GNAQ: variants seen among roughly 807,000 people sequenced by gnomAD.
GNAQ encodes the protein G protein subunit alpha q, also known as guanine nucleotide-binding protein G(q) subunit alpha.
In GNAQ, 8 loss-of-function variants were observed where a neutral mutation model predicts 43.9. The observed-to-expected ratio is 0.18, with a 90% CI of 0.11 to 0.33. The LOEUF (loss-of-function observed/expected upper bound fraction) is 0.33, where lower values mean the gene tolerates loss of function less well. Ranked by LOEUF, GNAQ falls within the 10% of genes least tolerant of loss-of-function variation. GNAQ has a pLI of 1.00. For missense variants in GNAQ, 158 were observed against 450.8 expected (o/e 0.35, Z 5.88); for synonymous variants, 155 against 170.7 (o/e 0.91, Z 0.71).
Position 77,908,999 on chromosome 9 carries a change from T to C in GNAQ, c.321+13162A>G, listed in dbSNP as rs78119762. ...ACCCAAAGCTGTCATCACTGGAATA[T>C]GTGGCACTTCTGTGCATATGAGAAT... On this transcript the variant is annotated intron_variant, in intron 2 of 6. Coordinates refer to ENST00000286548, the MANE Select transcript of GNAQ (RefSeq NM_002072.5). 4.6e-3 allele frequency among the ~76,000 whole-genome samples: 700 copies of C among 152,344 alleles called. 6 individuals carry two copies. Among genetic ancestry groups the C allele is most frequent in the African/African-American group, 0.016 (679 of 41,588 alleles).
At chr9:78,013,526 A>T (rs550185016) in intron 1 of GNAQ, among the ~76,000 whole-genome samples, 2 of 147,860 alleles carry the variant, frequency 1.4e-5, no homozygotes, top group South Asian at 4.2e-4. Context: ...ATGTGTTCTC[A>T]TTTCTAACAA....
chr9:77,732,677 A>G (rs1825514743), intron 5 of GNAQ, among the ~76,000 whole-genome samples: 1 of 152,092 alleles, frequency 6.6e-6, no homozygotes, highest in Non-Finnish European at 1.5e-5. Context: ...GATACTAGTA[A>G]AGGTTTTACT....
chr9:77,863,489 C>T (rs1022859053), intron 2 of GNAQ, among the ~76,000 whole-genome samples: 10 of 152,130 alleles, frequency 6.6e-5, no homozygotes, highest in Admixed American at 1.3e-4. Context: ...CCAGGGAGTT[C>T]CAAACTTTCC....
rs149493389 is a variant in GNAQ at position 77,991,320 on chromosome 9, T to G, written c.136+39780A>C. ...TGACCTTTCAGTGATGTTCTTCACC[T>G]TAGCATACAGAATGTATTTAAGAGA... On this transcript the variant is annotated intron_variant, in intron 1 of 6. Transcript: ENST00000286548. 3.1e-3 allele frequency among the ~76,000 whole-genome samples: 472 copies of G among 152,300 alleles called. 3 individuals are homozygous for G. Among genetic ancestry groups the G allele is most frequent in the Non-Finnish European group, 5.1e-3 (346 of 68,020 alleles).
At position 77,965,235 on chromosome 9, in the gene GNAQ, GCACCCA is replaced by G. The variant is rs546738994; in HGVS notation, c.137-42896_137-42891del. 2.6e-5 allele frequency among the ~76,000 whole-genome samples: 4 copies of G among 151,796 alleles called. No homozygotes were observed. In the South Asian group the frequency reaches 8.3e-4, roughly 32 times the overall value. On this transcript the variant is annotated intron_variant, in intron 1 of 6. Coordinates refer to ENST00000286548, the MANE Select transcript of GNAQ (RefSeq NM_002072.5). ...CAATCAACACCCATAATTATATAAAGCACCCACACCCACAGAATCCTCACGAATCAA... is the reference window on the plus strand; with the variant it reads ...CAATCAACACCCATAATTATATAAAGCACCCACAGAATCCTCACGAATCAA...
At chr9:78,024,757 A>C (rs2118614436) in intron 1 of GNAQ, among the ~76,000 whole-genome samples, 1 of 152,244 alleles carries the variant, frequency 6.6e-6, no homozygotes, top group South Asian at 2.1e-4. Flanking sequence ...ACAGCACATT[A>C]TTTGGCACAT....
At chr9:78,021,329 C>G (rs1023104185) in intron 1 of GNAQ, among the ~76,000 whole-genome samples, 3 of 152,104 alleles carry the variant, frequency 2.0e-5, no homozygotes, top group Non-Finnish European at 4.4e-5. Context: ...CCTGGCAAAG[C>G]TGATTTCTTA....
At chr9:77,992,539 AT>A (rs1212509802) in intron 1 of GNAQ, among the ~76,000 whole-genome samples, 1 of 152,210 alleles carries the variant, frequency 6.6e-6, no homozygotes, top group Non-Finnish European at 1.5e-5. Flanking sequence ...TAAAAAAAAA[AT>A]TCCTCAAAAA....
chr9:77,850,921 C>T (rs1255288287), intron 2 of GNAQ, among the ~76,000 whole-genome samples: 1 of 152,136 alleles, frequency 6.6e-6, no homozygotes, highest in Non-Finnish European at 1.5e-5. Flanking sequence ...CTGTCTCACA[C>T]AGGGTCTTAG....
At chr9:77,881,314 C>A (rs1311713572) in intron 2 of GNAQ, among the ~76,000 whole-genome samples, 1 of 152,238 alleles carries the variant, frequency 6.6e-6, no homozygotes, top group African/African-American at 2.4e-5. Flanking sequence ...GCACCCCGAA[C>A]ACTGCCTGGC....
At chr9:77,804,375 A>G (rs958822985) in intron 3 of GNAQ, among the ~76,000 whole-genome samples, 41 of 152,184 alleles carry the variant, frequency 2.7e-4, no homozygotes, top group African/African-American at 9.2e-4. Context: ...GGGTTAATAA[A>G]TTTTATAAGC....
At chr9:77,902,925 A>G (rs1228928382) in intron 2 of GNAQ, among the ~76,000 whole-genome samples, 4 of 152,148 alleles carry the variant, frequency 2.6e-5, no homozygotes, top group African/African-American at 9.7e-5. Flanking sequence ...TTTCTGCTTT[A>G]ACAATTTTGC....
At chr9:77,760,718 T>C (rs1825987655) in intron 5 of GNAQ, among the ~76,000 whole-genome samples, 1 of 151,330 alleles carries the variant, frequency 6.6e-6, no homozygotes, top group African/African-American at 2.4e-5. Context: ...GTCTGGAAAG[T>C]GAGGAGCGTC....
chr9:77,908,978 A>G (rs1366863049), intron 2 of GNAQ, among the ~76,000 whole-genome samples: 1 of 152,234 alleles, frequency 6.6e-6, no homozygotes, highest in East Asian at 1.9e-4. Flanking sequence ...AGGAAGACCC[A>G]AAGCTGTCAT....
At chr9:77,904,929 T>A (rs1447957385) in intron 2 of GNAQ, among the ~76,000 whole-genome samples, 2 of 152,138 alleles carry the variant, frequency 1.3e-5, no homozygotes, top group African/African-American at 4.8e-5. Flanking sequence ...TAATAAATTA[T>A]ACAAAAGTGA....
At chr9:77,764,747 G>A (rs541395411) in intron 5 of GNAQ, among the ~76,000 whole-genome samples, 32 of 152,142 alleles carry the variant, frequency 2.1e-4, no homozygotes, top group African/African-American at 7.2e-4. Context: ...GAGCCACCGC[G>A]CCCAGCCGAA....
At chr9:77,761,125 G>A (rs1826004088) in intron 5 of GNAQ, among the ~76,000 whole-genome samples, 2 of 149,992 alleles carry the variant, frequency 1.3e-5, no homozygotes, top group Non-Finnish European at 3.0e-5. Context: ...TGGGGGGTCA[G>A]CCCCCCGCCC....
At chr9:77,733,316 A>T (rs1330400716) in intron 5 of GNAQ, among the ~76,000 whole-genome samples, 1 of 152,158 alleles carries the variant, frequency 6.6e-6, no homozygotes, top group Non-Finnish European at 1.5e-5. Context: ...TATCCTGAAC[A>T]CATTGCTTTT....
At chr9:78,006,148 A>C (rs1450885959) in intron 1 of GNAQ, among the ~76,000 whole-genome samples, 2 of 152,200 alleles carry the variant, frequency 1.3e-5, no homozygotes, top group Non-Finnish European at 2.9e-5. Context: ...AACTGTCATA[A>C]ATAGGAATTT....
Sources: allele counts gnomAD v4.1 joint callset (sites outside exome capture counted in the v4.1 genomes callset), GRCh38; gene constraint gnomAD v4.1.1; transcripts MANE v1.5; gene names NCBI Gene and HGNC (gene_info 2026-07-23, HGNC 2026-07-21).